Variants in RAD54L observed in about 807,000 individuals in gnomAD.
The protein encoded by RAD54L is DNA repair and recombination protein RAD54-like.
A neutral mutation model predicts 91.6 loss-of-function variants in RAD54L; 74 were observed. The observed-to-expected ratio is 0.81, with a 90% CI of 0.67 to 0.98. The LOEUF (loss-of-function observed/expected upper bound fraction) is 0.98. RAD54L is among the 50% of genes least tolerant of loss of function. RAD54L has a pLI of 0.00. For missense variants in RAD54L, 887 were observed against 945.7 expected, an observed-to-expected ratio of 0.94 and a Z score of 0.81; for synonymous variants, 304 against 349.7, an observed-to-expected ratio of 0.87 and a Z score of 1.46.
At position 46,263,337 on chromosome 1, in the gene RAD54L, G is replaced by C. The variant is rs1227732224; in HGVS notation, c.891+1952G>C. Reference sequence around the variant, plus strand: ...TTCCCAGTGGGCTTGGCGACCCTGAGGCTATAGTCATTGTTTGCAACTTCT... The same window carrying C: ...TTCCCAGTGGGCTTGGCGACCCTGACGCTATAGTCATTGTTTGCAACTTCT... On this transcript the variant is annotated intron_variant, in intron 8 of 17. Coordinates refer to ENST00000371975, the MANE Select transcript of RAD54L (RefSeq NM_003579.4). This position sits in a 1 kb window ranked among gnomAD's most constrained non-coding sequence, Gnocchi z 4.3. Among the ~76,000 whole-genome samples, 1 of 152,122 alleles carries C rather than the reference G, an allele frequency of 6.6e-6. No individual in the cohort carries two copies. Among genetic ancestry groups the C allele is most frequent in the Admixed American group, 6.5e-5 (1 of 15,268 alleles).
In RAD54L at chr1:46,250,104, G is replaced by A; in HGVS notation, c.195G>A (p.Leu65=). 1 of 1,614,138 alleles carries A rather than the reference G, an allele frequency of 6.2e-7. No individual in the cohort carries two copies. The highest frequency in any genetic ancestry group is 8.5e-7 in the Non-Finnish European group (1 of 1,180,044). ...LSQLTNQPPC[L]DSSQHEAFIR... is the part of the protein sequence containing the mutation. ...AGCTAACCAATCAACCACCTTGTCT[G>A]GACAGCAGTCAGCATGTAAGCCAGA... Residue 65 remains leucine (L), a synonymous_variant, in exon 3 of 18, where the codon CTG becomes CTA. Transcript: ENST00000371975.
chr1:46,261,368 C>G lies in RAD54L; in HGVS notation c.874C>G (p.Leu292Val), dbSNP rs2148289390. ...AGTCCTCCAGAAAGGAAGTGTTGGT[C>G]TGGTCATATGTGACGAGGTACTTGA... ...VGVLQKGSVG[L>V]VICDEGHRLK... Residue 292 changes from leucine (L) to valine (V), a missense_variant, in exon 8 of 18, where the codon CTG (leucine) becomes GTG (valine). Coordinates refer to ENST00000371975, the MANE Select transcript of RAD54L (RefSeq NM_003579.4). 1 of 1,613,894 alleles carries G rather than the reference C, an allele frequency of 6.2e-7. No homozygotes were observed. Among genetic ancestry groups the G allele is most frequent in the Non-Finnish European group, 8.5e-7 (1 of 1,179,978 alleles).
chr1:46,261,416 G>A (rs772343855), intron 8 of RAD54L, 31 bp downstream of exon 8: 1 of 1,613,474 alleles, frequency 6.2e-7, no homozygotes, highest in African/African-American at 1.3e-5. Context: ...TGGGTGGTAG[G>A]AGAAAATCTG....
In RAD54L at chr1:46,248,004, C is replaced by G. The variant is rs1659691975; in HGVS notation, c.-402C>G. 3.1e-6 allele frequency: 1 copy of G among 320,392 alleles called. No homozygotes were observed. Among genetic ancestry groups the G allele is most frequent in the South Asian group, 3.1e-5 (1 of 32,102 alleles). The allele number at this position is 320,392 out of a possible 1,614,324, so 19.8% of individuals were successfully genotyped here. A position where few individuals can be genotyped will look rare whatever the true frequency, so the allele number is the denominator to read the frequency against. Reference sequence around the variant, plus strand: ...GCCTCGGACTTTCACCCCAGCTTCTCTCTCCTGGCCAGTGATTACCCACCC... The same window carrying G: ...GCCTCGGACTTTCACCCCAGCTTCTGTCTCCTGGCCAGTGATTACCCACCC... On this transcript the variant is annotated 5_prime_UTR_variant, in exon 1 of 18. Coordinates refer to ENST00000371975, the MANE Select transcript of RAD54L (RefSeq NM_003579.4).
chr1:46,252,466 G>T (rs1312248193), intron 3 of RAD54L, among the ~76,000 whole-genome samples: 1 of 152,154 alleles, frequency 6.6e-6, no homozygotes, highest in Non-Finnish European at 1.5e-5. Context: ...GGTTTTAGGG[G>T]AATGGGGAAT....
chr1:46,274,298 C>A, intron 15 of RAD54L, 82 bp downstream of exon 15: 1 of 1,454,920 alleles, frequency 6.9e-7, no homozygotes, highest in Non-Finnish European at 9.6e-7. Flanking sequence ...AAGGGGTTAC[C>A]TTGATTTTTT....
intron 9 of RAD54L, among the ~76,000 whole-genome samples, chr1:46,268,118 C>G (rs1387559167): frequency 2.0e-5 from 3 of 152,138 alleles, no homozygotes; most frequent in Non-Finnish European, 2.9e-5. Context: ...ACCCTCCCCT[C>G]CCAGTGCTTT....
chr1:46,254,583 CTTTTTTT>C (rs768862202), intron 3 of RAD54L, among the ~76,000 whole-genome samples: 1 of 130,188 alleles, frequency 7.7e-6, no homozygotes, highest in African/African-American at 2.8e-5. Context: ...GGAGCACTGA[CTTTTTTT>C]TTTTTTTTTT....
At chr1:46,252,296 T>C (rs1218575043) in intron 3 of RAD54L, among the ~76,000 whole-genome samples, 2 of 152,094 alleles carry the variant, frequency 1.3e-5, no homozygotes, top group African/African-American at 4.8e-5. Flanking sequence ...TAGGAGAGTC[T>C]GGACTAAGGT....
rs566132904 is a variant in RAD54L at position 46,277,158 on chromosome 1, A to G, written c.1870-659A>G. ...CTCAGCTCTTACTATACTCCCACCA[A>G]CCTCCAGTTAGCCTGAACTACTCAC... On this transcript the variant is annotated intron_variant, in intron 16 of 17. Transcript: ENST00000371975. Among the ~76,000 whole-genome samples, 3 of 152,056 alleles carry G rather than the reference A, an allele frequency of 2.0e-5. No homozygotes were observed. The South Asian group carries it at 6.2e-4, about 32-fold the overall frequency.
chr1:46,262,135 C>A (rs925812263), intron 8 of RAD54L, among the ~76,000 whole-genome samples: 2 of 151,602 alleles, frequency 1.3e-5, no homozygotes, highest in Admixed American at 6.6e-5. Context: ...CACATATGAC[C>A]GGGCGCGGTG....
intron 3 of RAD54L, among the ~76,000 whole-genome samples, chr1:46,254,955 G>A (rs886850953): frequency 6.6e-6 from 1 of 152,168 alleles, no homozygotes; most frequent in African/African-American, 2.4e-5. Context: ...TTAGGGGACT[G>A]AAGATGAGAT....
intron 3 of RAD54L, among the ~76,000 whole-genome samples, chr1:46,257,854 A>G (rs1659984590): frequency 6.6e-6 from 1 of 152,160 alleles, no homozygotes; most frequent in Non-Finnish European, 1.5e-5. Context: ...CTGCATTTGT[A>G]ATGGCTTTGT....
chr1:46,258,815 G>T, intron 4 of RAD54L, 69 bp downstream of exon 4: 1 of 1,264,702 alleles, frequency 7.9e-7, no homozygotes, highest in Non-Finnish European at 1.2e-6. Flanking sequence ...TTAAAAACCT[G>T]CTTTTGTAAA....
Position 46,272,436 on chromosome 1 carries a change from C to T in RAD54L, c.1170-30C>T, listed in dbSNP as rs751244454. On this transcript the variant is annotated intron_variant, in intron 10 of 17. Transcript: ENST00000371975. ...GTAGTTAGCATGGCAATTTTACCAGCCTCTTGCCTTTTTATCCTGTTTTCT... is the reference window on the plus strand; with the variant it reads ...GTAGTTAGCATGGCAATTTTACCAGTCTCTTGCCTTTTTATCCTGTTTTCT... The T allele has an allele frequency of 3.2e-6, 5 of 1,551,114 alleles. No individual in the cohort carries two copies. In the South Asian group the frequency reaches 5.6e-5, roughly 17 times the overall value.
rs1163518763 is a variant in RAD54L, at chr1:46,261,134, C to T, written c.766+119C>T. The T allele has an allele frequency of 1.9e-6, 3 of 1,541,438 alleles. No homozygotes were observed. The African/African-American group carries it at 4.1e-5, about 21-fold the overall frequency. The stretch of plus-strand genomic sequence containing the variant: ...CAGGGGTAGAAGAAAAGAGAATTTC[C>T]ATTGAAAATAGTTGAAGTGGAGTCA... On this transcript the variant is annotated intron_variant, in intron 7 of 17. Coordinates refer to ENST00000371975, the MANE Select transcript of RAD54L (RefSeq NM_003579.4).
rs573607021 is a variant in RAD54L, at chr1:46,273,660, C to T, written c.1523C>T (p.Thr508Ile). 9.3e-6 allele frequency: 15 copies of T among 1,613,938 alleles called. No homozygotes were observed. The African/African-American group carries it at 1.7e-4, about 19-fold the overall frequency. The change falls in exon 14 of 18, where the codon ACC becomes ATC. Residue 508 changes from threonine to isoleucine, a missense_variant. Coordinates refer to ENST00000371975, the MANE Select transcript of RAD54L (RefSeq NM_003579.4). ...GTCCTGGATTATATTCTGGCGGTGA[C>T]CCGAAGCCGTAGCAGTGACAAAGTA... ...MLVLDYILAV[T>I]RSRSSDKVVL... is the part of the protein sequence containing the mutation.
chr1:46,270,920 C>A, intron 10 of RAD54L, 135 bp downstream of exon 10: 3 of 1,183,072 alleles, frequency 2.5e-6, no homozygotes, highest in Non-Finnish European at 3.7e-6. Context: ...CTAACTATGG[C>A]CACTGAATAA....
intron 12 of RAD54L, 56 bp from the exon 13 acceptor site, chr1:46,273,299 C>T (rs1298788540): frequency 7.0e-7 from 1 of 1,424,948 alleles, no homozygotes; most frequent in Non-Finnish European, 9.9e-7. Context: ...CTAGTGAACA[C>T]TGAAGTGGAA....
Sources: gnomAD v4.1 joint callset for allele counts (sites outside exome capture counted in the v4.1 genomes callset) on GRCh38, gnomAD v4.1.1 for gene constraint, Gnocchi (gnomAD v3.1) non-coding constraint, MANE v1.5 for transcripts, NCBI Gene and HGNC (gene_info 2026-07-23, HGNC 2026-07-21) for gene names.